Variants in UGT1A9 observed in about 807,000 individuals in gnomAD.
UGT1A9 encodes the protein UDP-glucuronosyltransferase 1A9.
A neutral mutation model predicts 45.0 loss-of-function variants in UGT1A9; 35 were observed. That is an observed-to-expected ratio of 0.78 (90% CI 0.59 to 1.03). UGT1A9 has a LOEUF of 1.03. Among genes scored for constraint, UGT1A9 ranks in the 50% least tolerant of loss-of-function variants. The probability of loss-of-function intolerance (pLI) is 0.00; values close to 1 mark genes in which losing one functional copy is unlikely to be tolerated. For synonymous variants in UGT1A9, 278 were observed against 250.6 expected (o/e 1.11, Z -1.03); for missense variants, 687 against 666.6 (o/e 1.03, Z -0.34).
rs45454101 is a variant in UGT1A9 at position 233,718,617 on chromosome 2, G to A, written c.855+45828G>A. ...GTCAGATGAGCTTTTCAAGATAGGC[G>A]TGATTGGTCTTTCCCAGGGTTGGGC... On this transcript the variant is annotated intron_variant, in intron 1 of 4. Transcript: ENST00000354728. 0.029 allele frequency: 25,009 copies of A among 870,400 alleles called. 378 individuals are homozygous for A. The highest frequency in any genetic ancestry group is 0.033 in the African/African-American group (1,793 of 55,048). The allele number at this position is 870,400 out of a possible 1,614,324, so 53.9% of individuals were successfully genotyped here.
At chr2:233,729,373 T>C (rs1160959644) in intron 1 of UGT1A9, 16 of 1,613,988 alleles carry the variant, frequency 9.9e-6, no homozygotes, top group Non-Finnish European at 1.3e-5. Context: ...CTATGCCATT[T>C]CGTGGACCCA....
At chr2:233,687,166 T>C (rs971677741) in intron 1 of UGT1A9, among the ~76,000 whole-genome samples, 37 of 152,342 alleles carry the variant, frequency 2.4e-4, no homozygotes, top group Middle Eastern at 3.4e-3. Context: ...ATGACTGGCA[T>C]GTGGATATGA....
intron 1 of UGT1A9, among the ~76,000 whole-genome samples, chr2:233,711,891 A>G (rs2076202856): frequency 6.6e-6 from 1 of 152,204 alleles, no homozygotes; most frequent in Non-Finnish European, 1.5e-5. Context: ...GACGAGTCTC[A>G]TGGGCGTGAG....
intron 1 of UGT1A9, among the ~76,000 whole-genome samples, chr2:233,682,966 G>A (rs917597536): frequency 2.0e-5 from 3 of 152,118 alleles, no homozygotes; most frequent in Non-Finnish European, 4.4e-5. Context: ...GTATAAAGCA[G>A]CTCTTGTTGA....
chr2:233,682,890 T>C (rs911018992), intron 1 of UGT1A9: 6 of 1,508,230 alleles, frequency 4.0e-6, no homozygotes, highest in Non-Finnish European at 3.5e-6. Context: ...TTTGTCCCAT[T>C]TGGAATTTCT....
chr2:233,737,994 C>T (rs1435641802), intron 1 of UGT1A9, among the ~76,000 whole-genome samples: 1 of 151,970 alleles, frequency 6.6e-6, no homozygotes. Flanking sequence ...CTCTGTGTCC[C>T]CCACCAAATC....
chr2:233,680,663 G>C (rs905492713), intron 1 of UGT1A9, among the ~76,000 whole-genome samples: 17 of 152,118 alleles, frequency 1.1e-4, no homozygotes, highest in Non-Finnish European at 1.9e-4. Flanking sequence ...GCAAGGCAAA[G>C]CATGGGTGCT....
At chr2:233,719,480 G>C in intron 1 of UGT1A9, 2 of 1,613,982 alleles carry the variant, frequency 1.2e-6, no homozygotes, top group South Asian at 1.1e-5. Context: ...CTCTGGCCCT[G>C]TCCTACATTT....
intron 1 of UGT1A9, among the ~76,000 whole-genome samples, chr2:233,677,428 T>C (rs2074390238): frequency 6.6e-6 from 1 of 152,216 alleles, no homozygotes; most frequent in Non-Finnish European, 1.5e-5. Flanking sequence ...TAACTACTAA[T>C]AGCCAACTGT....
intron 1 of UGT1A9, among the ~76,000 whole-genome samples, chr2:233,736,611 AT>A (rs2078784415): frequency 6.6e-6 from 1 of 151,912 alleles, no homozygotes; most frequent in East Asian, 1.9e-4. Context: ...GGTTTTTAGA[AT>A]TTTCAGCTTT....
intron 1 of UGT1A9, chr2:233,712,975 CGGT>C (rs2076265720): frequency 6.2e-7 from 1 of 1,612,932 alleles, no homozygotes; most frequent in African/African-American, 1.3e-5. Flanking sequence ...AGTCAGCTGT[CGGT>C]GGCTTCTGCT....
intron 1 of UGT1A9, among the ~76,000 whole-genome samples, chr2:233,731,284 C>CT (rs78127606): frequency 0.055 from 7,668 of 139,746 alleles, 279 homozygotes; most frequent in African/African-American, 0.086. Flanking sequence ...GTTTTTCTTT[C>CT]TTTTTTTTTT....
chr2:233,730,291 G>T (rs962328046), intron 1 of UGT1A9, among the ~76,000 whole-genome samples: 2 of 152,200 alleles, frequency 1.3e-5, no homozygotes, highest in African/African-American at 4.8e-5. Context: ...CTTCATGGTT[G>T]TGCATGTCCT....
intron 1 of UGT1A9, among the ~76,000 whole-genome samples, chr2:233,727,601 G>A (rs565458443): frequency 3.4e-4 from 52 of 152,170 alleles, no homozygotes; most frequent in Non-Finnish European, 4.4e-4. Flanking sequence ...GGGGGTTGGA[G>A]GAATAGTTCA....
intron 1 of UGT1A9, chr2:233,690,374 G>C (rs981595898): frequency 9.0e-6 from 8 of 886,718 alleles, no homozygotes; most frequent in Non-Finnish European, 1.1e-5. Context: ...CTCTCCATAG[G>C]GTCCACGTTT....
chr2:233,714,506 A>T (rs1575507249), intron 1 of UGT1A9, among the ~76,000 whole-genome samples: 1 of 152,250 alleles, frequency 6.6e-6, no homozygotes, highest in African/African-American at 2.4e-5. Flanking sequence ...CTTAAAAAAA[A>T]TTCTTACTAG....
intron 1 of UGT1A9, among the ~76,000 whole-genome samples, chr2:233,717,415 G>T (rs565971108): frequency 6.6e-6 from 1 of 152,182 alleles, no homozygotes; most frequent in Admixed American, 6.5e-5. Flanking sequence ...TGCCTCCCTT[G>T]AGCTGGGTGT....
chr2:233,713,149 C>G, intron 1 of UGT1A9: 5 of 1,614,172 alleles, frequency 3.1e-6, no homozygotes, highest in Non-Finnish European at 4.2e-6. Flanking sequence ...GACCTCCATG[C>G]GAGAGGCCAC....
At chr2:233,738,846 A>G (rs1431495514) in intron 1 of UGT1A9, 1 of 152,252 alleles carries the variant, frequency 6.6e-6, no homozygotes, top group Admixed American at 6.5e-5. Context: ...AATGTTAATC[A>G]CCAAGACAAT....
Sources: allele counts gnomAD v4.1 joint callset (sites outside exome capture counted in the v4.1 genomes callset), GRCh38; gene constraint gnomAD v4.1.1; transcripts MANE v1.5; gene names NCBI Gene and HGNC (gene_info 2026-07-23, HGNC 2026-07-21).